ROBO1: variants seen among roughly 807,000 people sequenced by gnomAD.
ROBO1 encodes roundabout homolog 1.
In ROBO1, 149 loss-of-function variants were observed where a neutral mutation model predicts 195.9. The observed-to-expected ratio is 0.76, with a 90% CI of 0.67 to 0.87. ROBO1 has a LOEUF of 0.87. Ranked by LOEUF, ROBO1 falls within the 40% of genes least tolerant of loss-of-function variation. ROBO1 has a pLI of 0.00. For missense variants in ROBO1, 1,933 were observed against 2,068.3 expected (o/e 0.93, Z 1.27); for synonymous variants, 816 against 733.2 (o/e 1.11, Z -1.82).
intron 2 of ROBO1, among the ~76,000 whole-genome samples, chr3:79,303,114 G>A (rs1436994619): frequency 6.6e-5 from 10 of 150,548 alleles, no homozygotes; most frequent in Admixed American, 4.0e-4. Flanking sequence ...TCTACATTGC[G>A]GACTGACTAA....
chr3:79,759,875 G>A (rs1399500938), intron 1 of ROBO1, among the ~76,000 whole-genome samples: 7 of 152,080 alleles, frequency 4.6e-5, no homozygotes, highest in South Asian at 2.1e-4. Flanking sequence ...CTTATGAGTG[G>A]CAGTCATATT....
intron 5 of ROBO1, among the ~76,000 whole-genome samples, chr3:78,725,536 C>A (rs2082141553): frequency 6.6e-6 from 1 of 152,040 alleles, no homozygotes; most frequent in South Asian, 2.1e-4. Context: ...CCTTCATCTC[C>A]TTTACTGAAT....
At chr3:79,392,186 A>G (rs1482760264) in intron 2 of ROBO1, among the ~76,000 whole-genome samples, 3 of 152,182 alleles carry the variant, frequency 2.0e-5, no homozygotes, top group Admixed American at 2.0e-4. Context: ...CATTCAAACC[A>G]TCTGGCACAT....
chr3:79,465,767 G>T (rs543857503), intron 2 of ROBO1, among the ~76,000 whole-genome samples: 1 of 151,840 alleles, frequency 6.6e-6, no homozygotes, highest in East Asian at 1.9e-4. Context: ...TTTCATGTAC[G>T]TAAATTTTCT....
At chr3:79,530,561 C>A (rs917566198) in intron 2 of ROBO1, among the ~76,000 whole-genome samples, 1 of 152,090 alleles carries the variant, frequency 6.6e-6, no homozygotes, top group Admixed American at 6.6e-5. Flanking sequence ...TCAACCATAA[C>A]CAAGTCTGCT....
chr3:78,758,525 CAAAA>C (rs5850391), intron 4 of ROBO1, among the ~76,000 whole-genome samples: 3,180 of 85,226 alleles, frequency 0.037, 30 homozygotes, highest in Non-Finnish European at 0.053. Context: ...GACCCTATCT[CAAAA>C]AAAAAAAAAA....
intron 4 of ROBO1, among the ~76,000 whole-genome samples, chr3:78,805,565 G>A (rs1449196223): frequency 1.3e-5 from 2 of 151,844 alleles, no homozygotes; most frequent in African/African-American, 4.8e-5. Flanking sequence ...TTTAGAGTTT[G>A]AAAATAAAAT....
chr3:79,700,460 A>G (rs904648596), intron 1 of ROBO1, among the ~76,000 whole-genome samples: 1 of 151,780 alleles, frequency 6.6e-6, no homozygotes, highest in Non-Finnish European at 1.5e-5. Context: ...ACTGCTTTCC[A>G]CAGTGGCTGA....
intron 8 of ROBO1, among the ~76,000 whole-genome samples, chr3:78,711,329 TTCCTTCCTTCCTTCCTTC>T (rs1559772487): frequency 3.6e-4 from 34 of 95,054 alleles, no homozygotes; most frequent in African/African-American, 1.3e-3. Flanking sequence ...CTCTCTCTCC[TTCCTTCCTTCCTTCCTTC>T]CTCCTTCCTT....
intron 3 of ROBO1, among the ~76,000 whole-genome samples, chr3:78,940,359 A>T (rs1183597592): frequency 6.6e-6 from 1 of 152,212 alleles, no homozygotes; most frequent in Non-Finnish European, 1.5e-5. Context: ...CTGAAATGCA[A>T]ATATAATGTG....
At chr3:79,045,536 CA>C (rs1403513847) in intron 3 of ROBO1, among the ~76,000 whole-genome samples, 1 of 151,804 alleles carries the variant, frequency 6.6e-6, no homozygotes, top group Non-Finnish European at 1.5e-5. Context: ...ATATGAAATG[CA>C]ATATAAATAA....
chr3:78,688,858 CTGT>C, intron 8 of ROBO1, 86 bp from the exon 9 acceptor site: 2 of 1,316,830 alleles, frequency 1.5e-6, no homozygotes, highest in Non-Finnish European at 2.0e-6. Flanking sequence ...CTAAGTGCTG[CTGT>C]TATTTTATAC....
At chr3:79,510,255 CAGTG>C (rs1278633818) in intron 2 of ROBO1, among the ~76,000 whole-genome samples, 3 of 152,152 alleles carry the variant, frequency 2.0e-5, no homozygotes, top group African/African-American at 7.2e-5. Flanking sequence ...GTTCTCATGA[CAGTG>C]AGTGAGTTCT....
chr3:79,735,732 G>C (rs1209468025), intron 1 of ROBO1, among the ~76,000 whole-genome samples: 1 of 152,052 alleles, frequency 6.6e-6, no homozygotes, highest in Admixed American at 6.5e-5. Context: ...TTAGCCAGGC[G>C]TGGTGGCAGA....
rs1423046702 is a variant in ROBO1, at chr3:78,651,894, C to T, written c.2650G>A (p.Val884Ile). ...HGNPVSPEDQVSLAQQISDVV... is the reference protein window; with the variant it reads ...HGNPVSPEDQISLAQQISDVV... ...TCTGAAATCTGCTGAGCGAGGCTGA[C>T]TTGGTCCTCAGGTGACACAGGGTTT... The change falls in exon 19 of 31, where the codon GTC becomes ATC. Residue 884 changes from valine (V) to isoleucine (I), a missense_variant. Physicochemically the swap from Val to Ile is conservative, Grantham distance 29. Around this residue, in one of 3 missense-constraint regions of ROBO1, gnomAD observed 1,737 missense variants for 1,882.5 expected, o/e 0.92. Transcript: ENST00000464233. 6 of 1,613,470 alleles carry T rather than the reference C, an allele frequency of 3.7e-6. No individual in the cohort carries two copies. Among genetic ancestry groups the T allele is most frequent in the Non-Finnish European group, 5.1e-6 (6 of 1,179,656 alleles).
chr3:78,981,685 C>T (rs906786036), intron 3 of ROBO1, among the ~76,000 whole-genome samples: 8 of 151,916 alleles, frequency 5.3e-5, no homozygotes, highest in Non-Finnish European at 1.2e-4. Context: ...TCACACTGAG[C>T]ACTTTTGGAT....
intron 18 of ROBO1, among the ~76,000 whole-genome samples, chr3:78,656,836 G>T (rs1707058227): frequency 6.6e-6 from 1 of 152,172 alleles, no homozygotes; most frequent in Non-Finnish European, 1.5e-5. Context: ...TCAAAAATGT[G>T]TGCTTAGATA....
intron 2 of ROBO1, among the ~76,000 whole-genome samples, chr3:79,198,703 T>C (rs2081693863): frequency 6.6e-6 from 1 of 152,156 alleles, no homozygotes; most frequent in African/African-American, 2.4e-5. Context: ...TTGTGTCCTC[T>C]TTTATTTCCT....
At chr3:79,307,826 A>C (rs1348103632) in intron 2 of ROBO1, among the ~76,000 whole-genome samples, 1 of 152,174 alleles carries the variant, frequency 6.6e-6, no homozygotes, top group Non-Finnish European at 1.5e-5. Context: ...AGTAATGCCT[A>C]TTTGGTATGA....
Sources: allele counts gnomAD v4.1 joint callset (sites outside exome capture counted in the v4.1 genomes callset), GRCh38; gene constraint gnomAD v4.1.1; regional missense constraint gnomAD v4.1.1; transcripts MANE v1.5; gene names NCBI Gene and HGNC (gene_info 2026-07-23, HGNC 2026-07-21).